Variants in CEP112 observed in about 807,000 individuals in gnomAD.
CEP112 encodes the protein centrosomal protein 112.
A neutral mutation model predicts 153.0 loss-of-function variants in CEP112; 127 were observed. The observed-to-expected ratio is 0.83, with a 90% CI of 0.72 to 0.96. The LOEUF is 0.96. CEP112 is among the 40% of genes least tolerant of loss of function. The probability of loss-of-function intolerance (pLI) is 0.00; values close to 1 mark genes in which losing one functional copy is unlikely to be tolerated. For synonymous variants in CEP112, 358 were observed against 374.4 expected (o/e 0.96, Z 0.51); for missense variants, 1,089 against 1,101.2 (o/e 0.99, Z 0.16).
intron 21 of CEP112, among the ~76,000 whole-genome samples, chr17:65,789,540 A>G (rs1210740551): frequency 6.6e-6 from 1 of 152,008 alleles, no homozygotes; most frequent in Non-Finnish European, 1.5e-5. Flanking sequence ...ATGTTTCTCT[A>G]CTTCCCACTC....
chr17:65,849,058 C>T (rs758243264), intron 21 of CEP112, among the ~76,000 whole-genome samples: 2 of 152,124 alleles, frequency 1.3e-5, no homozygotes, highest in Non-Finnish European at 2.9e-5. Flanking sequence ...ACTGTTTACC[C>T]AATGAAGCAA....
intron 21 of CEP112, 49 bp from the exon 22 acceptor site, chr17:65,750,773 G>A (rs1197360662): frequency 6.4e-7 from 1 of 1,555,582 alleles, no homozygotes; most frequent in East Asian, 2.2e-5. Context: ...TGTGAGCTTG[G>A]TATCTCTTCC....
rs2066989734 is a variant in CEP112 at position 66,063,141 on chromosome 17, T to A, written c.956-60A>T. 4 of 684,846 alleles carry A rather than the reference T, an allele frequency of 5.8e-6. No homozygotes were observed. The Admixed American group carries it at 9.1e-5, about 16-fold the overall frequency. The allele number at this position is 684,846 out of a possible 1,614,324, so 42.4% of individuals were successfully genotyped here. A position where few individuals can be genotyped will look rare whatever the true frequency, so the allele number is the denominator to read the frequency against. On this transcript the variant is annotated intron_variant, in intron 10 of 26. Coordinates refer to ENST00000535342, the MANE Select transcript of CEP112 (RefSeq NM_001199165.4). The stretch of plus-strand genomic sequence containing the variant: ...TCTAGGTACATAGAGTTTGATGATA[T>A]AAAATTTAGTGCACCAGTTAGTAGG...
At position 66,175,197 on chromosome 17, in the gene CEP112, G is replaced by T; in HGVS notation, c.317C>A (p.Pro106Gln). Residue 106 changes from proline (P) to glutamine (Q), a missense_variant, in exon 4 of 27, where the codon CCA becomes CAA. Transcript: ENST00000535342. Reference protein sequence around the residue: ...PSYMSIYFDEPNPARAKGSSP... With the variant: ...PSYMSIYFDEQNPARAKGSSP... ...TGAACCTTTTGCTCGTGCTGGATTT[G>T]GTTCATCAAAATAGATGGACTGATT... is the stretch of plus-strand genomic sequence containing the variant. 1 of 1,589,494 alleles carries T rather than the reference G, an allele frequency of 6.3e-7. No individual in the cohort carries two copies.
chr17:65,746,966 T>G (rs990593123), intron 22 of CEP112, among the ~76,000 whole-genome samples: 3 of 152,152 alleles, frequency 2.0e-5, no homozygotes, highest in African/African-American at 7.2e-5. Flanking sequence ...GGAGAGCTAT[T>G]TTGAGCTGAT....
At chr17:66,069,116 C>T (rs866842500) in intron 9 of CEP112, among the ~76,000 whole-genome samples, 19 of 151,484 alleles carry the variant, frequency 1.3e-4, no homozygotes, top group African/African-American at 3.9e-4. Flanking sequence ...TTTAAGAAAG[C>T]TTGGATACAT....
chr17:65,894,898 C>G (rs1357063106), intron 20 of CEP112, among the ~76,000 whole-genome samples: 1 of 152,008 alleles, frequency 6.6e-6, no homozygotes, highest in African/African-American at 2.4e-5. Context: ...TAATTTACCT[C>G]AAAAGAAAGA....
At position 65,689,556 on chromosome 17, in the gene CEP112, G is replaced by A. The variant is rs192679737; in HGVS notation, c.2608-338C>T. ...ATTGCAATGAAAATGGCTCCCTCAG[G>A]ACACCTGCAATGTACACTTACACTC... On this transcript the variant is annotated intron_variant, in intron 23 of 26. Coordinates refer to ENST00000535342, the MANE Select transcript of CEP112 (RefSeq NM_001199165.4). 1.5e-3 allele frequency among the ~76,000 whole-genome samples: 229 copies of A among 152,274 alleles called. 1 individual carries two copies. The highest frequency in any genetic ancestry group is 5.4e-3 in the African/African-American group (225 of 41,556).
chr17:65,921,823 A>G (rs1475707362), intron 19 of CEP112, among the ~76,000 whole-genome samples: 1 of 152,174 alleles, frequency 6.6e-6, no homozygotes, highest in Non-Finnish European at 1.5e-5. Flanking sequence ...CAAAACTTTG[A>G]TAGATTTTAA....
chr17:65,934,454 T>C (rs1430935928), intron 18 of CEP112, among the ~76,000 whole-genome samples: 3 of 151,964 alleles, frequency 2.0e-5, no homozygotes, highest in Non-Finnish European at 4.4e-5. Flanking sequence ...CAAAGAAAGA[T>C]AGCAAGTGAG....
intron 20 of CEP112, among the ~76,000 whole-genome samples, chr17:65,891,975 T>A (rs1368618635): frequency 6.6e-6 from 1 of 152,198 alleles, no homozygotes; most frequent in Non-Finnish European, 1.5e-5. Flanking sequence ...ATTCTCCACC[T>A]ACAAGTTATT....
chr17:66,134,263 C>T (rs575230422), intron 4 of CEP112, among the ~76,000 whole-genome samples: 2 of 152,276 alleles, frequency 1.3e-5, no homozygotes, highest in African/African-American at 2.4e-5. Context: ...ATACATAAAA[C>T]GACACACCCT....
chr17:65,951,179 G>GT (rs2061816820), intron 18 of CEP112, among the ~76,000 whole-genome samples: 2 of 152,068 alleles, frequency 1.3e-5, no homozygotes. Context: ...TTCATGACAG[G>GT]TATCAATCCA....
intron 6 of CEP112, among the ~76,000 whole-genome samples, chr17:66,122,412 A>G (rs2069642765): frequency 6.6e-6 from 1 of 151,980 alleles, no homozygotes; most frequent in African/African-American, 2.4e-5. Flanking sequence ...CAATGTAGCA[A>G]CTTTGGACAC....
chr17:66,146,353 C>G (rs763153182), intron 4 of CEP112, among the ~76,000 whole-genome samples: 1 of 152,074 alleles, frequency 6.6e-6, no homozygotes, highest in Non-Finnish European at 1.5e-5. Context: ...TTCTGTCTTT[C>G]AAGCAGTGTG....
At chr17:66,043,481 C>T (rs894763856) in intron 12 of CEP112, among the ~76,000 whole-genome samples, 19 of 152,088 alleles carry the variant, frequency 1.2e-4, no homozygotes, top group African/African-American at 4.6e-4. Flanking sequence ...TTTTAAAATA[C>T]TATTCTGAGA....
chr17:66,128,261 C>T (rs1233107496), intron 6 of CEP112, among the ~76,000 whole-genome samples: 3 of 137,858 alleles, frequency 2.2e-5, no homozygotes, highest in Non-Finnish European at 4.5e-5. Flanking sequence ...CACAATAGCA[C>T]CACTGCACTC....
chr17:65,830,918 A>G (rs1489215688), intron 21 of CEP112, among the ~76,000 whole-genome samples: 1 of 152,198 alleles, frequency 6.6e-6, no homozygotes, highest in Non-Finnish European at 1.5e-5. Context: ...TCTGGAGTCA[A>G]CTATAAATCT....
intron 18 of CEP112, among the ~76,000 whole-genome samples, chr17:65,939,193 A>C (rs2061437589): frequency 6.6e-6 from 1 of 152,232 alleles, no homozygotes; most frequent in African/African-American, 2.4e-5. Flanking sequence ...AAGAGGCAAA[A>C]GATGTATACA....
Sources: gnomAD v4.1 joint callset for allele counts (sites outside exome capture counted in the v4.1 genomes callset) on GRCh38, gnomAD v4.1.1 for gene constraint, MANE v1.5 for transcripts, NCBI Gene and HGNC (gene_info 2026-07-23, HGNC 2026-07-21) for gene names.